SLCO1B1: variants seen among roughly 807,000 people sequenced by gnomAD.
SLCO1B1 encodes OATP-2.
SLCO1B1 carries 81 observed loss-of-function variants against 70.1 expected under a neutral mutation model. The ratio of observed to expected loss-of-function variants is 1.16; its 90% CI spans 0.97 to 1.39. The LOEUF is 1.39. Ranked by LOEUF, SLCO1B1 falls within the 40% of genes most tolerant of loss-of-function variation. SLCO1B1 has a pLI of 0.00. For synonymous variants in SLCO1B1, 283 were observed against 271.5 expected (o/e 1.04, Z -0.42); for missense variants, 895 against 799.6 (o/e 1.12, Z -1.44).
intron 12 of SLCO1B1, among the ~76,000 whole-genome samples, chr12:21,220,048 A>G (rs1380521165): frequency 1.3e-5 from 2 of 152,216 alleles, no homozygotes; most frequent in Non-Finnish European, 2.9e-5. Flanking sequence ...GGCCTGAGCC[A>G]CAGCACCTGG....
intron 11 of SLCO1B1, among the ~76,000 whole-genome samples, chr12:21,209,029 T>C (rs1051340923): frequency 1.1e-4 from 16 of 151,722 alleles, no homozygotes; most frequent in African/African-American, 3.9e-4. Context: ...TTTGGCAGAG[T>C]ATTTAGGGTT....
At chr12:21,217,451 A>G (rs1289621671) in intron 12 of SLCO1B1, 148 bp downstream of exon 12, 8 of 730,860 alleles carry the variant, frequency 1.1e-5, no homozygotes, top group Non-Finnish European at 1.8e-5. Context: ...TAAAATTACT[A>G]TGAACTCTCA....
chr12:21,212,965 C>T (rs530354057), intron 11 of SLCO1B1, among the ~76,000 whole-genome samples: 5 of 151,804 alleles, frequency 3.3e-5, no homozygotes, highest in East Asian at 3.9e-4. Flanking sequence ...TGTCTCTGCA[C>T]GTGAGATGGG....
chr12:21,164,144 G>A (rs1264256719), intron 2 of SLCO1B1, among the ~76,000 whole-genome samples: 1 of 152,070 alleles, frequency 6.6e-6, no homozygotes, highest in Non-Finnish European at 1.5e-5. Flanking sequence ...TGGATGAATT[G>A]TACAATCATT....
chr12:21,186,275 G>C (rs1043661433), intron 7 of SLCO1B1, among the ~76,000 whole-genome samples: 1 of 152,072 alleles, frequency 6.6e-6, no homozygotes, highest in African/African-American at 2.4e-5. Flanking sequence ...ACAATTGACT[G>C]TAATATATAC....
intron 7 of SLCO1B1, 45 bp downstream of exon 7, chr12:21,179,065 C>T: frequency 8.4e-7 from 1 of 1,195,706 alleles, no homozygotes; most frequent in Non-Finnish European, 1.3e-6. Context: ...TCTTTCTAAG[C>T]ACACATGCGA....
intron 7 of SLCO1B1, 117 bp downstream of exon 7, chr12:21,179,137 A>G (rs1940862509): frequency 2.8e-6 from 2 of 711,290 alleles, no homozygotes; most frequent in Non-Finnish European, 5.1e-6. Flanking sequence ...ATATAATTAG[A>G]AAGTTACAAG....
At chr12:21,228,497 T>G (rs1941502322) in intron 14 of SLCO1B1, among the ~76,000 whole-genome samples, 3 of 152,204 alleles carry the variant, frequency 2.0e-5, no homozygotes, top group Admixed American at 2.0e-4. Context: ...AATCTGTAAT[T>G]ACACTATGTT....
At chr12:21,218,240 CAT>C (rs1261114356) in intron 12 of SLCO1B1, among the ~76,000 whole-genome samples, 3 of 152,088 alleles carry the variant, frequency 2.0e-5, no homozygotes, top group South Asian at 4.1e-4. Context: ...GGTTGTGACA[CAT>C]GATAAGATTG....
rs1263824715 is a variant in SLCO1B1, at chr12:21,224,776, A to T, written c.1802A>T (p.Lys601Met). 3 of 1,612,452 alleles carry T rather than the reference A, an allele frequency of 1.9e-6. No homozygotes were observed. Among genetic ancestry groups the T allele is most frequent in the Non-Finnish European group, 2.5e-6 (3 of 1,179,152 alleles). ...GCTCTGATTGATACAACGTGTATAA[A>T]GTGGTCCACCAACAACTGTGGCACA... The part of the protein sequence containing the change: ...FGALIDTTCI[K>M]WSTNNCGTRG... The change falls in exon 14 of 15, where the codon AAG becomes ATG. Residue 601 changes from lysine (K) to methionine (M), a missense_variant. Transcript: ENST00000256958.
chr12:21,172,909 T>A, intron 3 of SLCO1B1, 118 bp downstream of exon 3: 1 of 947,970 alleles, frequency 1.1e-6, no homozygotes, highest in Non-Finnish European at 1.6e-6. Flanking sequence ...TGGCAATAAC[T>A]AAAAACATTT....
At chr12:21,185,051 G>C (rs75922682) in intron 7 of SLCO1B1, among the ~76,000 whole-genome samples, 9,347 of 152,064 alleles carry the variant, frequency 0.061, 572 homozygotes, top group East Asian at 0.32. Flanking sequence ...TCCATTAAAC[G>C]AGAAGACTTA....
chr12:21,230,323 C>CT (rs745494878), intron 14 of SLCO1B1, among the ~76,000 whole-genome samples: 18,193 of 70,536 alleles, frequency 0.26, 2,232 homozygotes, highest in Non-Finnish European at 0.35. Flanking sequence ...CTGTAGTATT[C>CT]TTTTTTTTTT....
At chr12:21,208,138 G>A (rs913539847) in intron 11 of SLCO1B1, among the ~76,000 whole-genome samples, 1 of 151,662 alleles carries the variant, frequency 6.6e-6, no homozygotes, top group Non-Finnish European at 1.5e-5. Context: ...AAGCTCATTA[G>A]TTTAATTATA....
intron 11 of SLCO1B1, among the ~76,000 whole-genome samples, chr12:21,215,780 G>T (rs747731336): frequency 6.6e-6 from 1 of 152,156 alleles, no homozygotes; most frequent in Non-Finnish European, 1.5e-5. Flanking sequence ...ATTTAGTACA[G>T]TGGGTACTCA....
intron 1 of SLCO1B1, among the ~76,000 whole-genome samples, chr12:21,140,302 T>C (rs1940290801): frequency 6.6e-6 from 1 of 152,072 alleles, no homozygotes; most frequent in Admixed American, 6.6e-5. Context: ...TCTGCTTATA[T>C]AGATATCTTA....
At chr12:21,217,717 C>T (rs1365171158) in intron 12 of SLCO1B1, among the ~76,000 whole-genome samples, 1 of 152,062 alleles carries the variant, frequency 6.6e-6, no homozygotes, top group Non-Finnish European at 1.5e-5. Flanking sequence ...AAATATGCTC[C>T]ATTTGATAAC....
intron 5 of SLCO1B1, among the ~76,000 whole-genome samples, chr12:21,177,459 A>G (rs1481041572): frequency 6.6e-6 from 1 of 152,182 alleles, no homozygotes; most frequent in African/African-American, 2.4e-5. Context: ...AACACAAATT[A>G]TAAATTATAA....
In SLCO1B1 at chr12:21,153,249, T is replaced by G. The variant is rs1940497465; in HGVS notation, c.84+11591T>G. Among the ~76,000 whole-genome samples the G allele has an allele frequency of 2.0e-5, 3 of 152,188 alleles. 1 individual carries two copies. On this transcript the variant is annotated intron_variant, in intron 2 of 14. Transcript: ENST00000256958. ...AAGCTCCTTGAAGGTTTCCAGAGCC[T>G]AGAAACCAGAAATACCAGCATATAT...
Sources: gnomAD v4.1 joint callset for allele counts (sites outside exome capture counted in the v4.1 genomes callset) on GRCh38, gnomAD v4.1.1 for gene constraint, MANE v1.5 for transcripts, NCBI Gene and HGNC (gene_info 2026-07-23, HGNC 2026-07-21) for gene names.